Variants in MYT1L observed in about 807,000 individuals in gnomAD.
The protein encoded by MYT1L is myelin transcription factor 1-like protein.
Under a neutral mutation model 126.7 loss-of-function variants are expected in MYT1L, and 12 were observed. The observed-to-expected ratio is 0.09, with a 90% confidence interval of 0.06 to 0.15. MYT1L has a LOEUF of 0.15. Ranked by LOEUF, MYT1L falls within the 10% of genes least tolerant of loss-of-function variation. The probability of loss-of-function intolerance (pLI) is 1.00; values close to 1 mark genes in which losing one functional copy is unlikely to be tolerated. For synonymous variants in MYT1L, 541 were observed against 604.2 expected (o/e 0.90, Z 1.53); for missense variants, 979 against 1,585.2 (o/e 0.62, Z 6.49).
At position 1,889,132 on chromosome 2, in the gene MYT1L, T is replaced by C; in HGVS notation, c.2520+109A>G. 1.2e-6 allele frequency: 1 copy of C among 830,490 alleles called. No homozygotes were observed. Among genetic ancestry groups the C allele is most frequent in the Non-Finnish European group, 1.8e-6 (1 of 541,220 alleles). 51.4% of individuals were successfully genotyped at this position (830,490 alleles called of 1,614,324 possible). On this transcript the variant is annotated intron_variant, in intron 16 of 24. Coordinates refer to ENST00000647738, the MANE Select transcript of MYT1L (RefSeq NM_001303052.2). This position sits in a 1 kb window ranked among gnomAD's most constrained non-coding sequence, Gnocchi z 4.1. ...GTCCTCCTCAGCTAAAGGTCATATT[T>C]AAAGAGAAAATATATTTTCTCATAA...
rs1313043770 is a variant in MYT1L at position 1,868,754 on chromosome 2, G to C, written c.2712-17051C>G. Reference sequence around the variant, plus strand: ...CGAGCGTTGCTATGGAGACACGGTTGCTAGGCTCCCTCCTCCCCCCTCCTC... The same window carrying C: ...CGAGCGTTGCTATGGAGACACGGTTCCTAGGCTCCCTCCTCCCCCCTCCTC... On this transcript the variant is annotated intron_variant, in intron 18 of 24. Transcript: ENST00000647738. Among the ~76,000 whole-genome samples the C allele has an allele frequency of 1.7e-4, 26 of 152,216 alleles. 1 individual carries two copies. Among genetic ancestry groups the C allele is most frequent in the Admixed American group, 1.7e-3 (26 of 15,292 alleles).
At chr2:1,952,539 T>C (rs187077488) in intron 8 of MYT1L, among the ~76,000 whole-genome samples, 160 of 151,934 alleles carry the variant, frequency 1.1e-3, no homozygotes, top group Admixed American at 2.2e-3. Context: ...TTGTTTCTTA[T>C]ATGTCTATTT....
At chr2:2,190,984 C>T (rs2092560684) in intron 2 of MYT1L, among the ~76,000 whole-genome samples, 1 of 152,194 alleles carries the variant, frequency 6.6e-6, no homozygotes, top group Admixed American at 6.5e-5. Context: ...AGGGTTTCTC[C>T]ATGTTGGTCA....
chr2:2,013,332 C>T (rs2064028475), intron 4 of MYT1L, among the ~76,000 whole-genome samples: 1 of 152,160 alleles, frequency 6.6e-6, no homozygotes, highest in African/African-American at 2.4e-5. Context: ...TTGTGCCCTT[C>T]AGCTCCAGGC....
chr2:2,016,951 A>G (rs943388710), intron 4 of MYT1L, among the ~76,000 whole-genome samples: 2 of 152,250 alleles, frequency 1.3e-5, no homozygotes, highest in African/African-American at 4.8e-5. Flanking sequence ...AAAAGCATCT[A>G]CCTGCTTAAA....
At position 1,923,192 on chromosome 2, in the gene MYT1L, C is replaced by T; in HGVS notation, c.577G>A (p.Glu193Lys). Residue 193 changes from glutamate to lysine, a missense_variant, in exon 10 of 25, where the codon GAA becomes AAA. By Grantham distance (56) the Glu-to-Lys change is moderately conservative. Transcript: ENST00000647738. ...DTEKDDNNND[E>K]YDNYDELVAK... ...ACCAGTTCATCGTAATTGTCATATTCGTCATTATTGTTATCATCCTTTTCT... is the reference window on the plus strand; with the variant it reads ...ACCAGTTCATCGTAATTGTCATATTTGTCATTATTGTTATCATCCTTTTCT... 1 of 1,613,644 alleles carries T rather than the reference C, an allele frequency of 6.2e-7. No homozygotes were observed. Among genetic ancestry groups the T allele is most frequent in the Non-Finnish European group, 8.5e-7 (1 of 1,179,714 alleles).
At chr2:2,252,620 G>A (rs892949195) in intron 2 of MYT1L, among the ~76,000 whole-genome samples, 3 of 152,190 alleles carry the variant, frequency 2.0e-5, no homozygotes, top group African/African-American at 7.2e-5. Context: ...GTGTGTTGCT[G>A]GTAGATGGGC....
At chr2:2,297,707 C>A (rs569695901) in intron 1 of MYT1L, among the ~76,000 whole-genome samples, 1 of 152,258 alleles carries the variant, frequency 6.6e-6, no homozygotes, top group South Asian at 2.1e-4. Context: ...ACAAATGTGT[C>A]CTTTCTACAG....
intron 4 of MYT1L, among the ~76,000 whole-genome samples, chr2:2,006,062 T>C (rs2063294284): frequency 6.6e-6 from 1 of 152,190 alleles, no homozygotes; most frequent in Non-Finnish European, 1.5e-5. Context: ...ATGCATTCTT[T>C]CCTGCATGTG....
In MYT1L at chr2:2,031,866, A is replaced by G. The variant is rs10207102; in HGVS notation, c.-158+22112T>C. 3.1e-3 allele frequency among the ~76,000 whole-genome samples: 231 copies of G among 74,480 alleles called. 2 individuals carry two copies. Among genetic ancestry groups the G allele is most frequent in the African/African-American group, 6.1e-3 (101 of 16,584 alleles). The allele number at this position is 74,480 out of a possible 152,430, so 48.9% of individuals were successfully genotyped here. ...CCTCGCCAGTGCCTCTCATCCTGTG[A>G]CCGAGAGCAGATTCTAGAAGGAGGG... On this transcript the variant is annotated intron_variant, in intron 4 of 24. Coordinates refer to ENST00000647738, the MANE Select transcript of MYT1L (RefSeq NM_001303052.2).
intron 13 of MYT1L, among the ~76,000 whole-genome samples, chr2:1,905,194 A>G (rs1202013759): frequency 6.6e-6 from 1 of 152,180 alleles, no homozygotes; most frequent in East Asian, 1.9e-4. Context: ...TATAAAGCTA[A>G]CAAAATATTG....
chr2:2,260,886 A>G (rs2094947666), intron 2 of MYT1L, among the ~76,000 whole-genome samples: 1 of 152,124 alleles, frequency 6.6e-6, no homozygotes, highest in Non-Finnish European at 1.5e-5. Flanking sequence ...TTTTGTTGTC[A>G]TGGTAATGTC....
intron 2 of MYT1L, among the ~76,000 whole-genome samples, chr2:2,263,327 C>G (rs1236050845): frequency 6.6e-6 from 1 of 151,958 alleles, no homozygotes; most frequent in Non-Finnish European, 1.5e-5. Flanking sequence ...CCAGGGTTAA[C>G]GACGCCCTCT....
intron 1 of MYT1L, among the ~76,000 whole-genome samples, chr2:2,318,595 T>C (rs1265661128): frequency 2.0e-5 from 3 of 152,230 alleles, no homozygotes; most frequent in African/African-American, 7.2e-5. Flanking sequence ...ACTATCTCCA[T>C]TCTTGTTCTC....
chr2:2,274,762 C>T (rs1207754356), intron 2 of MYT1L, among the ~76,000 whole-genome samples: 1 of 152,152 alleles, frequency 6.6e-6, no homozygotes, highest in Non-Finnish European at 1.5e-5. Context: ...TCCTTATGCT[C>T]ATAGTCTCAG....
chr2:2,300,096 A>G (rs968681073), intron 1 of MYT1L, among the ~76,000 whole-genome samples: 7 of 152,218 alleles, frequency 4.6e-5, no homozygotes, highest in Non-Finnish European at 8.8e-5. Flanking sequence ...CCATAAACAC[A>G]TAAACTCAAA....
chr2:1,928,101 T>C (rs1003531137), intron 9 of MYT1L, among the ~76,000 whole-genome samples: 1 of 152,126 alleles, frequency 6.6e-6, no homozygotes, highest in East Asian at 1.9e-4. Context: ...TACAGTCATG[T>C]GTCACCACGC....
At chr2:1,941,245 C>T (rs748606628) in intron 9 of MYT1L, among the ~76,000 whole-genome samples, 3 of 152,092 alleles carry the variant, frequency 2.0e-5, no homozygotes, top group South Asian at 2.1e-4. Context: ...CTGGTGTAAA[C>T]GATACCTATT....
At chr2:2,007,489 TTAACAGGGAAAAC>T (rs2063445468) in intron 4 of MYT1L, among the ~76,000 whole-genome samples, 1 of 152,316 alleles carries the variant, frequency 6.6e-6, no homozygotes, top group African/African-American at 2.4e-5. Flanking sequence ...GCTTCAATAT[TTAACAGGGAAAAC>T]TGGCACTTTA....
Sources: allele counts gnomAD v4.1 joint callset (sites outside exome capture counted in the v4.1 genomes callset), GRCh38; gene constraint gnomAD v4.1.1; non-coding constraint Gnocchi (gnomAD v3.1); transcripts MANE v1.5; gene names NCBI Gene and HGNC (gene_info 2026-07-23, HGNC 2026-07-21).